The following XYLT1 variants were observed in gnomAD, a reference collection of about 807,000 sequenced individuals.
The protein encoded by XYLT1 is beta-D-xylosyltransferase 1.
In XYLT1, 36 loss-of-function variants were observed where a neutral mutation model predicts 91.3. The observed-to-expected ratio is 0.39, with a 90% CI of 0.30 to 0.52. The LOEUF (loss-of-function observed/expected upper bound fraction) is 0.52. XYLT1 is among the 20% of genes least tolerant of loss of function. The probability of loss-of-function intolerance (pLI) is 0.68; values close to 1 mark genes in which losing one functional copy is unlikely to be tolerated. For synonymous variants in XYLT1, 588 were observed against 532.0 expected (o/e 1.11, Z -1.45); for missense variants, 1,242 against 1,284.5 (o/e 0.97, Z 0.51).
chr16:17,148,615 T>A (rs1376374247), intron 6 of XYLT1, among the ~76,000 whole-genome samples: 2 of 152,168 alleles, frequency 1.3e-5, no homozygotes, highest in Admixed American at 6.5e-5. Context: ...TAACACACAT[T>A]TAACAGAAAA....
chr16:17,455,005 T>G lies in XYLT1; in HGVS notation c.363+15429A>C, dbSNP rs2036721506. The stretch of plus-strand genomic sequence containing the variant: ...AAAGGACCAGATTTGGCTTGTAAGC[T>G]GGGGTTCGCCAACCCTGGACAGAGA... On this transcript the variant is annotated intron_variant, in intron 1 of 11. Coordinates refer to ENST00000261381, the MANE Select transcript of XYLT1 (RefSeq NM_022166.4). Among the ~76,000 whole-genome samples, 3 of 142,754 alleles carry G rather than the reference T, an allele frequency of 2.1e-5. No homozygotes were observed. In the South Asian group the frequency reaches 6.6e-4, roughly 32 times the overall value. The allele number at this position is 142,754 out of a possible 152,430, so 93.7% of individuals were successfully genotyped here. A position where few individuals can be genotyped will look rare whatever the true frequency, so the allele number is the denominator to read the frequency against.
intron 1 of XYLT1, among the ~76,000 whole-genome samples, chr16:17,407,900 T>C (rs1172753235): frequency 6.6e-6 from 1 of 152,222 alleles, no homozygotes; most frequent in African/African-American, 2.4e-5. Context: ...CTCCTTCTAT[T>C]AGTTCTGCAA....
At chr16:17,425,811 C>G (rs572174527) in intron 1 of XYLT1, among the ~76,000 whole-genome samples, 2 of 152,212 alleles carry the variant, frequency 1.3e-5, no homozygotes, top group East Asian at 1.9e-4. Context: ...TCCTGCCTAC[C>G]AAATACCTTA....
Position 17,303,884 on chromosome 16 carries a change from CTG to C in XYLT1, c.403-44388_403-44387del, listed in dbSNP as rs769670258. Among the ~76,000 whole-genome samples, 24 of 152,202 alleles carry C rather than the reference CTG, an allele frequency of 1.6e-4. No individual in the cohort carries two copies. The East Asian group carries it at 3.3e-3, about 21-fold the overall frequency. On this transcript the variant is annotated intron_variant, in intron 2 of 11. Coordinates refer to ENST00000261381, the MANE Select transcript of XYLT1 (RefSeq NM_022166.4). ...GGAACTGAGGCTTATCTTATAAACA[CTG>C]TGTACATATGATTTATTAATTTGTA... is the stretch of plus-strand genomic sequence containing the variant.
intron 5 of XYLT1, among the ~76,000 whole-genome samples, chr16:17,159,415 AC>A (rs1408309414): frequency 6.6e-6 from 1 of 152,058 alleles, no homozygotes; most frequent in Non-Finnish European, 1.5e-5. Context: ...CACCTTTATT[AC>A]ATCACTCTGT....
chr16:17,217,903 C>T, intron 3 of XYLT1, among the ~76,000 whole-genome samples: 1 of 151,230 alleles, frequency 6.6e-6, no homozygotes, highest in South Asian at 2.1e-4. Flanking sequence ...GGAAGGAAGA[C>T]CATGTGTCAA....
At chr16:17,157,120 G>C (rs1165749523) in intron 6 of XYLT1, among the ~76,000 whole-genome samples, 1 of 152,024 alleles carries the variant, frequency 6.6e-6, no homozygotes, top group Non-Finnish European at 1.5e-5. Context: ...GCTAATTTTT[G>C]TATTTTTAGT....
chr16:17,279,088 C>T (rs905684403), intron 2 of XYLT1, among the ~76,000 whole-genome samples: 1 of 152,208 alleles, frequency 6.6e-6, no homozygotes, highest in African/African-American at 2.4e-5. Context: ...CACCTTTCAG[C>T]GTTGCTACTG....
chr16:17,440,580 T>C (rs945475707), intron 1 of XYLT1, among the ~76,000 whole-genome samples: 1 of 152,222 alleles, frequency 6.6e-6, no homozygotes, highest in Non-Finnish European at 1.5e-5. Flanking sequence ...CTGCCCCTAA[T>C]GAACTGTGTG....
At chr16:17,234,036 G>C (rs1180619588) in intron 3 of XYLT1, among the ~76,000 whole-genome samples, 1 of 152,110 alleles carries the variant, frequency 6.6e-6, no homozygotes, top group Non-Finnish European at 1.5e-5. Context: ...TAATGACATG[G>C]CTCCTCCATA....
chr16:17,165,735 A>G (rs2031665269), intron 5 of XYLT1, among the ~76,000 whole-genome samples: 1 of 152,184 alleles, frequency 6.6e-6, no homozygotes, highest in Admixed American at 6.5e-5. Flanking sequence ...CCAATGCCCT[A>G]GTGATGGACA....
intron 1 of XYLT1, among the ~76,000 whole-genome samples, chr16:17,450,728 T>C (rs1213839895): frequency 2.0e-5 from 3 of 152,142 alleles, no homozygotes; most frequent in Admixed American, 2.0e-4. Flanking sequence ...TTGTCTTGCG[T>C]CGTAAACAGA....
rs565747433 is a variant in XYLT1, at chr16:17,442,089, G to A, written c.363+28345C>T. On this transcript the variant is annotated intron_variant, in intron 1 of 11. Transcript: ENST00000261381. ...TGAGCTGGGAAACCTGTCTTTTCCT[G>A]CCTTTGAGTTCAGATGAAAACATTG... is the stretch of plus-strand genomic sequence containing the variant. Among the ~76,000 whole-genome samples, 30 of 152,264 alleles carry A rather than the reference G, an allele frequency of 2.0e-4. No homozygotes were observed. The South Asian group carries it at 5.6e-3, about 28-fold the overall frequency.
intron 1 of XYLT1, chr16:17,403,530 A>T (rs976778677): frequency 1.3e-5 from 2 of 152,266 alleles, no homozygotes; most frequent in Non-Finnish European, 2.9e-5. Context: ...AGAGAATGAG[A>T]GAGCTTGTGT....
At chr16:17,348,233 A>C (rs563755501) in intron 2 of XYLT1, among the ~76,000 whole-genome samples, 40 of 152,236 alleles carry the variant, frequency 2.6e-4, no homozygotes, top group African/African-American at 9.4e-4. Flanking sequence ...GGAGGCACAA[A>C]GAGGGCGTGC....
chr16:17,159,984 T>C (rs2031507842), intron 5 of XYLT1, among the ~76,000 whole-genome samples: 1 of 152,218 alleles, frequency 6.6e-6, no homozygotes, highest in African/African-American at 2.4e-5. Flanking sequence ...TTAACTATTG[T>C]TTCAAATGGG....
intron 5 of XYLT1, among the ~76,000 whole-genome samples, chr16:17,185,939 G>A (rs1033483270): frequency 6.6e-6 from 1 of 152,084 alleles, no homozygotes; most frequent in African/African-American, 2.4e-5. Context: ...GGTGGAAGTT[G>A]TAATGAGCTG....
chr16:17,230,817 T>C (rs2033146537), intron 3 of XYLT1, among the ~76,000 whole-genome samples: 1 of 152,188 alleles, frequency 6.6e-6, no homozygotes, highest in South Asian at 2.1e-4. Context: ...CAACTGGAAG[T>C]GATATAGCCC....
chr16:17,320,486 T>C (rs1442215534), intron 2 of XYLT1, among the ~76,000 whole-genome samples: 1 of 150,078 alleles, frequency 6.7e-6, no homozygotes, highest in Admixed American at 6.6e-5. Context: ...AAGTTTCTTT[T>C]TTTTTTTTTT....
Sources: gnomAD v4.1 joint callset for allele counts (sites outside exome capture counted in the v4.1 genomes callset) on GRCh38, gnomAD v4.1.1 for gene constraint, MANE v1.5 for transcripts, NCBI Gene and HGNC (gene_info 2026-07-23, HGNC 2026-07-21) for gene names.